SUMF1: variants seen among roughly 807,000 people sequenced by gnomAD.
SUMF1 encodes formylglycine-generating enzyme.
In SUMF1, 48 loss-of-function variants were observed where a neutral mutation model predicts 47.6. That is an observed-to-expected ratio of 1.01 (90% CI 0.80 to 1.28). The LOEUF (loss-of-function observed/expected upper bound fraction) is 1.28. Ranked by LOEUF, SUMF1 falls within the 50% of genes most tolerant of loss-of-function variation. The pLI is 0.00. For missense variants in SUMF1, 571 were observed against 485.4 expected, an observed-to-expected ratio of 1.18 and a Z score of -1.66; for synonymous variants, 230 against 192.1, an observed-to-expected ratio of 1.20 and a Z score of -1.63.
rs73129175 is a variant in SUMF1 at position 4,101,947 on chromosome 3, G to A, written c.1015-33202C>T. ...CTTACAATCATGGTGGAAGGCACCT[G>A]TTCACAGAGTGGCAGAAGAGCGAAT... On this transcript the variant is annotated intron_variant and NMD_transcript_variant, in intron 8 of 12. Coordinates refer to the SUMF1 transcript ENST00000448413. Among the ~76,000 whole-genome samples, 4 of 152,042 alleles carry A rather than the reference G, an allele frequency of 2.6e-5. No homozygotes were observed. In the South Asian group the frequency reaches 8.3e-4, roughly 32 times the overall value.
intron 8 of SUMF1, among the ~76,000 whole-genome samples, chr3:4,332,791 C>T (rs1699075399): frequency 6.6e-6 from 1 of 152,142 alleles, no homozygotes; most frequent in African/African-American, 2.4e-5. Context: ...GCCTGGATAC[C>T]TGCGGCCCTA....
At chr3:4,037,741 T>A (rs1234684386) in intron 9 of SUMF1, among the ~76,000 whole-genome samples, 10 of 152,200 alleles carry the variant, frequency 6.6e-5, no homozygotes, top group Admixed American at 5.9e-4. Flanking sequence ...GTCATTTGGG[T>A]TGCCAGAGTT....
intron 8 of SUMF1, among the ~76,000 whole-genome samples, chr3:4,111,172 C>G (rs1263060265): frequency 2.6e-5 from 4 of 151,782 alleles, no homozygotes; most frequent in African/African-American, 4.8e-5. Context: ...CACACATACT[C>G]AAGTCCCACA....
In SUMF1 at chr3:4,386,905, A is replaced by G. The variant is rs73809533; in HGVS notation, c.955-10516T>C. 3.7e-3 allele frequency among the ~76,000 whole-genome samples: 568 copies of G among 151,526 alleles called. 5 individuals carry two copies. The highest frequency in any genetic ancestry group is 0.013 in the African/African-American group (542 of 41,362). ...TTTGCTTCTTATTATGGTAGATTAC[A>G]CTGACTGATTTTTAAATATTTAACC... On this transcript the variant is annotated intron_variant, in intron 7 of 8. Transcript: ENST00000272902.
chr3:4,428,776 GCAA>G (rs1702145676), intron 3 of SUMF1, among the ~76,000 whole-genome samples: 2 of 151,558 alleles, frequency 1.3e-5, no homozygotes, highest in Non-Finnish European at 2.9e-5. Context: ...AAAAACAAAA[GCAA>G]TATCAAATTA....
At chr3:4,457,060 ATATATATATATATACGTGTGTG>A (rs1196281377) in intron 1 of SUMF1, among the ~76,000 whole-genome samples, 1 of 88,140 alleles carries the variant, frequency 1.1e-5, no homozygotes, top group Middle Eastern at 5.3e-3. Context: ...ACGTGTGTGT[ATATATATATATATACGTGTGTG>A]TATATATATA....
chr3:4,180,130 G>A (rs1468565322), intron 8 of SUMF1, among the ~76,000 whole-genome samples: 1 of 152,218 alleles, frequency 6.6e-6, no homozygotes, highest in African/African-American at 2.4e-5. Context: ...GTGGAAGACA[G>A]TGTGGTAATT....
chr3:4,291,661 G>C (rs1326422127), intron 8 of SUMF1, among the ~76,000 whole-genome samples: 1 of 152,040 alleles, frequency 6.6e-6, no homozygotes, highest in African/African-American at 2.4e-5. Flanking sequence ...GCAGAAAATG[G>C]GTTCTTTATA....
At chr3:4,043,048 G>A (rs765819016) in intron 9 of SUMF1, among the ~76,000 whole-genome samples, 1 of 152,078 alleles carries the variant, frequency 6.6e-6, no homozygotes, top group African/African-American at 2.4e-5. Flanking sequence ...AAGGTGGCAG[G>A]AGAGCAGAGT....
At chr3:4,230,731 C>A (rs943231675) in intron 8 of SUMF1, among the ~76,000 whole-genome samples, 3 of 152,062 alleles carry the variant, frequency 2.0e-5, no homozygotes, top group African/African-American at 7.2e-5. Flanking sequence ...ATCCTCTAAT[C>A]GTGCCTTCGT....
At chr3:4,371,875 T>C (rs1235485886) in intron 8 of SUMF1, among the ~76,000 whole-genome samples, 1 of 152,224 alleles carries the variant, frequency 6.6e-6, no homozygotes, top group African/African-American at 2.4e-5. Flanking sequence ...TTCTAGCCTA[T>C]TCAATCTGAT....
At chr3:4,232,489 G>T (rs567082614) in intron 8 of SUMF1, among the ~76,000 whole-genome samples, 3 of 151,922 alleles carry the variant, frequency 2.0e-5, no homozygotes, top group African/African-American at 4.8e-5. Context: ...AGAGAGACAA[G>T]CACCTGAAAA....
intron 8 of SUMF1, among the ~76,000 whole-genome samples, chr3:4,349,816 A>G (rs553734515): frequency 8.5e-5 from 13 of 152,190 alleles, no homozygotes; most frequent in African/African-American, 2.9e-4. Context: ...GGGGAACAAC[A>G]CACACCAGGG....
intron 8 of SUMF1, among the ~76,000 whole-genome samples, chr3:4,287,020 TTAAG>T (rs1326699950): frequency 1.3e-5 from 2 of 152,198 alleles, no homozygotes; most frequent in African/African-American, 4.8e-5. Context: ...ATAATAATAC[TTAAG>T]TGTCATTTGC....
intron 8 of SUMF1, among the ~76,000 whole-genome samples, chr3:4,352,210 T>C (rs541725848): frequency 2.2e-4 from 33 of 152,280 alleles, no homozygotes; most frequent in African/African-American, 7.9e-4. Flanking sequence ...TGAGTCCTGG[T>C]TCTGCCTCAC....
chr3:4,155,296 A>C (rs1483699080), intron 8 of SUMF1, among the ~76,000 whole-genome samples: 1 of 151,304 alleles, frequency 6.6e-6, no homozygotes, highest in Non-Finnish European at 1.5e-5. Flanking sequence ...TTTGCTGCCT[A>C]GATTCAGACA....
chr3:4,092,766 A>T (rs1046085086), intron 8 of SUMF1, among the ~76,000 whole-genome samples: 1 of 152,170 alleles, frequency 6.6e-6, no homozygotes, highest in Non-Finnish European at 1.5e-5. Flanking sequence ...GTCTAGAGAG[A>T]GTCAAAGAAT....
At chr3:4,280,494 GA>G (rs138740951) in intron 8 of SUMF1, among the ~76,000 whole-genome samples, 18 of 149,416 alleles carry the variant, frequency 1.2e-4, no homozygotes, top group East Asian at 3.9e-4. Flanking sequence ...TCTAATAGAG[GA>G]AAAAAAAAAC....
intron 7 of SUMF1, among the ~76,000 whole-genome samples, chr3:4,386,314 T>A (rs780134298): frequency 6.6e-6 from 1 of 152,200 alleles, no homozygotes; most frequent in Non-Finnish European, 1.5e-5. Flanking sequence ...TTAGCACACA[T>A]GTACTAAACA....
Sources: allele counts gnomAD v4.1 joint callset (sites outside exome capture counted in the v4.1 genomes callset), GRCh38; gene constraint gnomAD v4.1.1; transcripts MANE v1.5; gene names NCBI Gene and HGNC (gene_info 2026-07-23, HGNC 2026-07-21).